Variants in EXOC2 observed in about 807,000 individuals in gnomAD.
EXOC2 encodes the protein exocyst complex component 2.
A neutral mutation model predicts 131.8 loss-of-function variants in EXOC2; 70 were observed. The ratio of observed to expected loss-of-function variants is 0.53; its 90% confidence interval spans 0.44 to 0.65. The LOEUF (loss-of-function observed/expected upper bound fraction) is 0.65. Ranked by LOEUF, EXOC2 falls within the 30% of genes least tolerant of loss-of-function variation. The pLI, the probability that EXOC2 is intolerant of heterozygous loss-of-function variation, is 0.00. For synonymous variants in EXOC2, 411 were observed against 398.4 expected (o/e 1.03, Z -0.38); for missense variants, 923 against 1,108.6 (o/e 0.83, Z 2.38).
intron 1 of EXOC2, among the ~76,000 whole-genome samples, chr6:654,032 G>A (rs938831451): frequency 6.6e-6 from 1 of 152,206 alleles, no homozygotes; most frequent in Non-Finnish European, 1.5e-5. Context: ...ATCTGGTTTA[G>A]TGAATAATTT....
At chr6:585,196 T>C (rs1258726756) in intron 11 of EXOC2, among the ~76,000 whole-genome samples, 2 of 152,232 alleles carry the variant, frequency 1.3e-5, no homozygotes, top group African/African-American at 2.4e-5. Flanking sequence ...CATCAGTATT[T>C]AGAAGGTTTC....
chr6:622,072 A>G (rs1761319665), intron 4 of EXOC2, among the ~76,000 whole-genome samples: 1 of 152,198 alleles, frequency 6.6e-6, no homozygotes, highest in African/African-American at 2.4e-5. Flanking sequence ...TGTGTGAGGG[A>G]TCACGGGCTT....
At chr6:520,868 A>G (rs1191399943) in intron 23 of EXOC2, among the ~76,000 whole-genome samples, 64 of 142,454 alleles carry the variant, frequency 4.5e-4, no homozygotes, top group African/African-American at 1.6e-3. Context: ...GTAGATGAAA[A>G]CCACCACCCA....
At chr6:510,974 T>G (rs184464317) in intron 23 of EXOC2, among the ~76,000 whole-genome samples, 80 of 152,378 alleles carry the variant, frequency 5.3e-4, no homozygotes, top group Non-Finnish European at 9.4e-4. Context: ...AGGCCTGGGT[T>G]AACTGTTGAT....
At chr6:612,163 A>C (rs966473113) in intron 6 of EXOC2, among the ~76,000 whole-genome samples, 4 of 152,254 alleles carry the variant, frequency 2.6e-5, no homozygotes, top group African/African-American at 9.6e-5. Context: ...GCCGGATGAC[A>C]GATGAGCAAA....
intron 11 of EXOC2, among the ~76,000 whole-genome samples, chr6:579,184 T>A (rs1208863043): frequency 1.3e-5 from 2 of 152,306 alleles, no homozygotes; most frequent in East Asian, 1.9e-4. Flanking sequence ...AAAATACAAT[T>A]ATTTCAGAAA....
In EXOC2 at chr6:679,599, G is replaced by C. The variant is rs1287755804; in HGVS notation, c.-44+13420C>G. On this transcript the variant is annotated intron_variant, in intron 1 of 27. Transcript: ENST00000230449. ...AATGTATTCTTGAAAAGTGAACAAT[G>C]ACTAAAATAATTCAAACCATGGGGA... 3 of 152,072 alleles carry C rather than the reference G, an allele frequency of 2.0e-5. 1 individual carries two copies. The highest frequency in any genetic ancestry group is 3.8e-4 in the East Asian group (2 of 5,196). The allele number at this position is 152,072 out of a possible 1,614,324, so 9.4% of individuals were successfully genotyped here. A position where few individuals can be genotyped will look rare whatever the true frequency, so the allele number is the denominator to read the frequency against.
chr6:517,190 A>T (rs1765208090), intron 23 of EXOC2, among the ~76,000 whole-genome samples: 1 of 152,210 alleles, frequency 6.6e-6, no homozygotes, highest in Admixed American at 6.5e-5. Context: ...GAAGATGTTC[A>T]TATTTCATAT....
intron 22 of EXOC2, among the ~76,000 whole-genome samples, chr6:541,252 A>G (rs1006524453): frequency 3.9e-5 from 6 of 152,250 alleles, no homozygotes; most frequent in Non-Finnish European, 8.8e-5. Flanking sequence ...ATAGAATATT[A>G]AAATTCAAAA....
intron 1 of EXOC2, among the ~76,000 whole-genome samples, chr6:675,988 C>T (rs1488917616): frequency 7.7e-6 from 1 of 129,834 alleles, no homozygotes; most frequent in African/African-American, 2.8e-5. Context: ...GTTCCCCATA[C>T]TCTTCAACAT....
At chr6:491,656 T>C (rs1246151073) in intron 25 of EXOC2, among the ~76,000 whole-genome samples, 1 of 152,254 alleles carries the variant, frequency 6.6e-6, no homozygotes, top group African/African-American at 2.4e-5. Context: ...CTCTGCTCTA[T>C]GGATTCAATG....
chr6:591,803 G>T (rs1759557188), intron 11 of EXOC2, among the ~76,000 whole-genome samples: 1 of 152,104 alleles, frequency 6.6e-6, no homozygotes, highest in Admixed American at 6.5e-5. Flanking sequence ...ACAAACAAAA[G>T]CCAATACACC....
At chr6:512,685 G>A (rs1008640211) in intron 23 of EXOC2, among the ~76,000 whole-genome samples, 6 of 152,166 alleles carry the variant, frequency 3.9e-5, no homozygotes, top group African/African-American at 1.4e-4. Flanking sequence ...TAGCCCCGTG[G>A]TCTGACCCAT....
chr6:556,519 T>C lies in EXOC2; in HGVS notation c.1897A>G (p.Lys633Glu). The C allele has an allele frequency of 6.2e-7, 1 of 1,614,116 alleles. No homozygotes were observed. The highest frequency in any genetic ancestry group is 1.1e-5 in the South Asian group (1 of 91,066). Residue 633 changes from lysine (K) to glutamate (E), a missense_variant, in exon 18 of 28, where the codon AAG (lysine) becomes GAG (glutamate). Coordinates refer to ENST00000230449, the MANE Select transcript of EXOC2 (RefSeq NM_018303.6). ...QCIVCSLQSLKGVLECKPGEA... is the reference protein window; with the variant it reads ...QCIVCSLQSLEGVLECKPGEA... ...CCCGGCTTGCACTCCAGAACCCCCT[T>C]CAGTGACTGCAGAGAACACACGATG...
At chr6:598,708 T>A in intron 9 of EXOC2, 152 bp downstream of exon 9, 8 of 556,380 alleles carry the variant, frequency 1.4e-5, no homozygotes, top group Non-Finnish European at 1.2e-5. Context: ...AGAAAAGTCA[T>A]ACTGTTATTT....
chr6:525,782 A>C (rs1240206663), intron 23 of EXOC2, among the ~76,000 whole-genome samples: 1 of 152,200 alleles, frequency 6.6e-6, no homozygotes, highest in African/African-American at 2.4e-5. Context: ...GTACATATGA[A>C]ATAGATACAT....
chr6:684,392 T>G (rs1474561722), intron 1 of EXOC2, among the ~76,000 whole-genome samples: 2 of 152,116 alleles, frequency 1.3e-5, no homozygotes, highest in African/African-American at 4.8e-5. Context: ...TAACAAAGCA[T>G]CCATTTAACA....
intron 17 of EXOC2, among the ~76,000 whole-genome samples, chr6:560,062 A>G (rs1757621534): frequency 6.6e-6 from 1 of 152,226 alleles, no homozygotes; most frequent in African/African-American, 2.4e-5. Context: ...TCATTAGGAT[A>G]GGTCTATAGA....
intron 22 of EXOC2, among the ~76,000 whole-genome samples, chr6:546,301 C>CAT (rs1415111102): frequency 6.6e-6 from 1 of 152,120 alleles, no homozygotes; most frequent in African/African-American, 2.4e-5. Context: ...CCTGTTGGCA[C>CAT]ATACTTCTGG....
Sources: allele counts gnomAD v4.1 joint callset (sites outside exome capture counted in the v4.1 genomes callset), GRCh38; gene constraint gnomAD v4.1.1; transcripts MANE v1.5; gene names NCBI Gene and HGNC (gene_info 2026-07-23, HGNC 2026-07-21).